Variants in BRINP1 observed in about 807,000 individuals in gnomAD.
The protein encoded by BRINP1 is BMP/retinoic acid inducible neural specific 1.
In BRINP1, 17 loss-of-function variants were observed where a neutral mutation model predicts 72.9. The observed-to-expected ratio is 0.23, with a 90% CI of 0.16 to 0.35. BRINP1 has a LOEUF of 0.35. Ranked by LOEUF, BRINP1 falls within the 10% of genes least tolerant of loss-of-function variation. The pLI is 1.00. For synonymous variants in BRINP1, 418 were observed against 378.5 expected (o/e 1.10, Z -1.21); for missense variants, 850 against 1,001.6 (o/e 0.85, Z 2.04).
chr9:119,269,393 A>G (rs893812563), intron 2 of BRINP1, among the ~76,000 whole-genome samples: 4 of 152,212 alleles, frequency 2.6e-5, no homozygotes, highest in African/African-American at 9.6e-5. Context: ...TTTTAGCCTG[A>G]ATTTCTTCCA....
intron 7 of BRINP1, among the ~76,000 whole-genome samples, chr9:119,207,539 G>T (rs1829871128): frequency 6.6e-6 from 1 of 152,162 alleles, no homozygotes; most frequent in Admixed American, 6.5e-5. Flanking sequence ...TGTGAGAACT[G>T]CCTGTGCAAT....
intron 1 of BRINP1, among the ~76,000 whole-genome samples, chr9:119,357,673 G>T (rs745466262): frequency 6.6e-6 from 1 of 152,196 alleles, no homozygotes; most frequent in Non-Finnish European, 1.5e-5. Flanking sequence ...AGATTGTTAA[G>T]GAGATTTAAG....
At chr9:119,173,511 T>C (rs889763238) in intron 7 of BRINP1, among the ~76,000 whole-genome samples, 10 of 152,188 alleles carry the variant, frequency 6.6e-5, no homozygotes, top group Non-Finnish European at 1.2e-4. Flanking sequence ...GAACATTCCA[T>C]GCTCATGGGT....
chr9:119,194,295 T>A (rs1761046990), intron 7 of BRINP1, among the ~76,000 whole-genome samples: 1 of 152,340 alleles, frequency 6.6e-6, no homozygotes, highest in South Asian at 2.1e-4. Context: ...ACAGTATATG[T>A]TATGAGCTCC....
intron 1 of BRINP1, among the ~76,000 whole-genome samples, chr9:119,353,638 T>A (rs1028206467): frequency 5.3e-5 from 8 of 152,120 alleles, no homozygotes; most frequent in African/African-American, 1.7e-4. Context: ...TCCCTGAATT[T>A]AACTCTGAAT....
In BRINP1 at chr9:119,222,690, CA is replaced by C. The variant is rs113987836; in HGVS notation, c.686-8536del. 8.8e-3 allele frequency among the ~76,000 whole-genome samples: 1,330 copies of C among 151,884 alleles called. 19 individuals carry two copies. The highest frequency in any genetic ancestry group is 0.03 in the African/African-American group (1,253 of 41,412). ...CCTTGTAGTGAGGGAGATAAGACAA[CA>C]AATAAATAAATAAAAATAGAAAGGA... On this transcript the variant is annotated intron_variant, in intron 5 of 7. Coordinates refer to ENST00000265922, the MANE Select transcript of BRINP1 (RefSeq NM_014618.3).
intron 1 of BRINP1, among the ~76,000 whole-genome samples, chr9:119,351,614 A>G (rs1831508416): frequency 6.6e-6 from 1 of 152,174 alleles, no homozygotes; most frequent in African/African-American, 2.4e-5. Flanking sequence ...CAGACCCCAT[A>G]GAAACCAGAT....
At chr9:119,322,535 C>T (rs1564247998) in intron 1 of BRINP1, among the ~76,000 whole-genome samples, 1 of 152,218 alleles carries the variant, frequency 6.6e-6, no homozygotes. Flanking sequence ...TTACCAAGCT[C>T]ATCCTCTGGA....
intron 4 of BRINP1, among the ~76,000 whole-genome samples, chr9:119,239,288 C>A (rs1339535319): frequency 2.6e-5 from 4 of 152,086 alleles, no homozygotes; most frequent in Non-Finnish European, 5.9e-5. Flanking sequence ...ATAATGAGTA[C>A]ATATACACTA....
chr9:119,167,621 G>A lies in BRINP1; in HGVS notation c.1749C>T (p.Gly583=). Residue 583 remains glycine, a synonymous_variant, in exon 8 of 8, where the codon GGC becomes GGT. Coordinates refer to ENST00000265922, the MANE Select transcript of BRINP1 (RefSeq NM_014618.3). The surrounding 1 kb of genome is among the most constrained non-coding windows in gnomAD (Gnocchi z 4.3). ...GACGGATCTTCTCCCAGCGTGGGTA[G>A]CCAAATTCCCCGAAGGGCATGTTCC... ...EGWNMPFGEF[G]YPRWEKIRLQ... 6.2e-7 allele frequency: 1 copy of A among 1,614,132 alleles called. No individual in the cohort carries two copies. Among genetic ancestry groups the A allele is most frequent in the African/African-American group, 1.3e-5 (1 of 75,054 alleles).
intron 7 of BRINP1, among the ~76,000 whole-genome samples, chr9:119,176,751 C>G (rs769428782): frequency 6.6e-6 from 1 of 152,178 alleles, no homozygotes; most frequent in Non-Finnish European, 1.5e-5. Context: ...GGTATTGAGA[C>G]ACTCTCGGGG....
At chr9:119,186,405 G>T (rs758064475) in intron 7 of BRINP1, among the ~76,000 whole-genome samples, 47 of 152,178 alleles carry the variant, frequency 3.1e-4, no homozygotes, top group Non-Finnish European at 5.9e-4. Context: ...CCAGGAAACT[G>T]AAGCTTTGAC....
intron 7 of BRINP1, among the ~76,000 whole-genome samples, chr9:119,191,130 T>G (rs1057299891): frequency 1.3e-5 from 2 of 151,898 alleles, no homozygotes; most frequent in Non-Finnish European, 2.9e-5. Context: ...GAATAAAAGT[T>G]TGTCAATATA....
At chr9:119,178,920 T>C (rs556977459) in intron 7 of BRINP1, among the ~76,000 whole-genome samples, 1 of 152,166 alleles carries the variant, frequency 6.6e-6, no homozygotes, top group African/African-American at 2.4e-5. Flanking sequence ...TACTGAAAGT[T>C]TGAGCCTGTG....
At chr9:119,210,936 G>T (rs1829916970) in intron 6 of BRINP1, among the ~76,000 whole-genome samples, 1 of 152,170 alleles carries the variant, frequency 6.6e-6, no homozygotes, top group African/African-American at 2.4e-5. Context: ...AAGATTGACA[G>T]GATGACACAA....
chr9:119,221,155 GTGCC>G (rs1830037163), intron 5 of BRINP1, among the ~76,000 whole-genome samples: 1 of 152,102 alleles, frequency 6.6e-6, no homozygotes, highest in African/African-American at 2.4e-5. Flanking sequence ...GTATCAGAAT[GTGCC>G]CCCTGTAGAT....
chr9:119,312,320 G>C (rs1831076875), intron 2 of BRINP1, among the ~76,000 whole-genome samples: 1 of 152,164 alleles, frequency 6.6e-6, no homozygotes, highest in Non-Finnish European at 1.5e-5. Flanking sequence ...TAACAAGGCA[G>C]AGCAAAAATC....
chr9:119,209,753 G>A (rs1829902225), intron 6 of BRINP1, among the ~76,000 whole-genome samples: 1 of 152,154 alleles, frequency 6.6e-6, no homozygotes, highest in Admixed American at 6.5e-5. Context: ...ATGTTGAAAT[G>A]CAGGCAATTA....
chr9:119,362,134 G>C (rs1371415782), intron 1 of BRINP1, among the ~76,000 whole-genome samples: 1 of 125,050 alleles, frequency 8.0e-6, no homozygotes, highest in Non-Finnish European at 1.6e-5. Context: ...TTTTCATAAA[G>C]CCAGGCAATA....
Sources: gnomAD v4.1 joint callset for allele counts (sites outside exome capture counted in the v4.1 genomes callset) on GRCh38, gnomAD v4.1.1 for gene constraint, Gnocchi (gnomAD v3.1) non-coding constraint, MANE v1.5 for transcripts, NCBI Gene and HGNC (gene_info 2026-07-23, HGNC 2026-07-21) for gene names.